GFOD2: variants seen among roughly 807,000 people sequenced by gnomAD.
GFOD2 encodes the protein glucose-fructose oxidoreductase domain-containing protein 2.
A neutral mutation model predicts 24.6 loss-of-function variants in GFOD2; 9 were observed. The ratio of observed to expected loss-of-function variants is 0.37; its 90% CI spans 0.22 to 0.64. GFOD2 has a LOEUF of 0.64. Ranked by LOEUF, GFOD2 falls within the 30% of genes least tolerant of loss-of-function variation. GFOD2 has a pLI of 0.65. For synonymous variants in GFOD2, 211 were observed against 224.8 expected (o/e 0.94, Z 0.55); for missense variants, 476 against 532.5 (o/e 0.89, Z 1.04).
Position 67,685,768 on chromosome 16 carries a change from TATGATCTTCCAA to T in GFOD2, c.-65_-54del. On this transcript the variant is annotated 5_prime_UTR_variant, in exon 2 of 3. Transcript: ENST00000268797. ...TCCTCACAAGAGCCTCTGGCATGGA[TATGATCTTCCAA>T]ACGTCCTGGTCAGACATGGCTCCTA... The T allele has an allele frequency of 6.4e-7, 1 of 1,567,396 alleles. No homozygotes were observed. Among genetic ancestry groups the T allele is most frequent in the Non-Finnish European group, 8.6e-7 (1 of 1,159,030 alleles).
rs148628246 is a variant in GFOD2, at chr16:67,688,274, T to C, written c.-87-2472A>G. On this transcript the variant is annotated intron_variant, in intron 1 of 2. Transcript: ENST00000268797. ...TATAAGGATATCTGTAATATATCTATAAAATATCTCTATTCAATGCTGTAG... is the reference window on the plus strand; with the variant it reads ...TATAAGGATATCTGTAATATATCTACAAAATATCTCTATTCAATGCTGTAG... Among the ~76,000 whole-genome samples the C allele has an allele frequency of 3.7e-3, 558 of 152,296 alleles. 6 individuals carry two copies. The highest frequency in any genetic ancestry group is 0.012 in the African/African-American group (516 of 41,556).
At chr16:67,695,225 G>A (rs2053349931) in intron 1 of GFOD2, among the ~76,000 whole-genome samples, 2 of 151,912 alleles carry the variant, frequency 1.3e-5, no homozygotes, top group Admixed American at 1.3e-4. Context: ...TCGAACTCCT[G>A]ACCTCAGGTG....
At chr16:67,680,844 G>A (rs988291362) in intron 2 of GFOD2, 8 of 984,860 alleles carry the variant, frequency 8.1e-6, no homozygotes, top group African/African-American at 1.7e-5. Flanking sequence ...TACATGTGCC[G>A]TGTTGGTGTG....
At chr16:67,687,212 G>A (rs1167284861) in intron 1 of GFOD2, among the ~76,000 whole-genome samples, 3 of 151,144 alleles carry the variant, frequency 2.0e-5, no homozygotes, top group Non-Finnish European at 4.4e-5. Flanking sequence ...AGAGGAAAGT[G>A]AAAGAACTAA....
intron 1 of GFOD2, among the ~76,000 whole-genome samples, chr16:67,699,396 G>A (rs934535895): frequency 1.3e-5 from 2 of 151,966 alleles, no homozygotes; most frequent in Non-Finnish European, 2.9e-5. Context: ...AATACACCAT[G>A]ACCAACAGGG....
Position 67,685,437 on chromosome 16 carries a change from C to T in GFOD2, c.259+20G>A, listed in dbSNP as rs2053258749. 4 of 1,614,076 alleles carry T rather than the reference C, an allele frequency of 2.5e-6. No individual in the cohort carries two copies. In the East Asian group the frequency reaches 8.9e-5, roughly 36 times the overall value. On this transcript the variant is annotated intron_variant, in intron 2 of 2. Transcript: ENST00000268797. ...GAGGGAGAGACATGATCTGCCCCTG[C>T]TGTGGCCTGCCGGGCGTACCTAGAG...
chr16:67,716,936 G>A (rs887640105), intron 1 of GFOD2, among the ~76,000 whole-genome samples: 2 of 152,160 alleles, frequency 1.3e-5, no homozygotes, highest in Admixed American at 6.6e-5. Context: ...TTTAGCTCTT[G>A]TCCAGGCTGG....
chr16:67,700,108 T>A (rs531686675), intron 1 of GFOD2, among the ~76,000 whole-genome samples: 1 of 151,296 alleles, frequency 6.6e-6, no homozygotes, highest in Non-Finnish European at 1.5e-5. Flanking sequence ...GCGCGGTGGC[T>A]CACGCCTATA....
chr16:67,677,949 T>G lies in GFOD2; in HGVS notation c.260-1896A>C, dbSNP rs1462573879. On this transcript the variant is annotated intron_variant, in intron 2 of 2. Transcript: ENST00000268797. Reference sequence around the variant, plus strand: ...CTTCTCCAGGTATGTGCATCTTCAGTAACCATGGTGCTCATCTTCCCTCAG... The same window carrying G: ...CTTCTCCAGGTATGTGCATCTTCAGGAACCATGGTGCTCATCTTCCCTCAG... 3.9e-5 allele frequency: 6 copies of G among 152,370 alleles called. No homozygotes were observed. In the East Asian group the frequency reaches 1.2e-3, roughly 29 times the overall value. 9.4% of individuals were successfully genotyped at this position (152,370 alleles called of 1,614,324 possible). A position where few individuals can be genotyped will look rare whatever the true frequency, so the allele number is the denominator to read the frequency against.
At chr16:67,702,045 A>C (rs1264211521) in intron 1 of GFOD2, among the ~76,000 whole-genome samples, 2 of 152,108 alleles carry the variant, frequency 1.3e-5, no homozygotes, top group Non-Finnish European at 2.9e-5. Context: ...CCAATCTGGT[A>C]ATTGTTTTTG....
intron 1 of GFOD2, among the ~76,000 whole-genome samples, chr16:67,690,498 C>T (rs770198865): frequency 1.3e-5 from 2 of 151,510 alleles, no homozygotes; most frequent in Non-Finnish European, 2.9e-5. Context: ...CTGCCTGCCT[C>T]GGCTGCCCAA....
Position 67,675,004 on chromosome 16 carries a change from G to T in GFOD2, c.*151C>A. 1.2e-6 allele frequency: 1 copy of T among 832,558 alleles called. No individual in the cohort carries two copies. The highest frequency in any genetic ancestry group is 1.9e-6 in the Non-Finnish European group (1 of 530,832). The allele number at this position is 832,558 out of a possible 1,614,324, so 51.6% of individuals were successfully genotyped here. A position where few individuals can be genotyped will look rare whatever the true frequency, so the allele number is the denominator to read the frequency against. On this transcript the variant is annotated 3_prime_UTR_variant, in exon 3 of 3. Coordinates refer to ENST00000268797, the MANE Select transcript of GFOD2 (RefSeq NM_030819.4). ...AAGTCTGAGGAGCAGATGAGCCACTGGAGGGGGCGAAGTCCCAGAGCCACC... is the reference window on the plus strand; with the variant it reads ...AAGTCTGAGGAGCAGATGAGCCACTTGAGGGGGCGAAGTCCCAGAGCCACC...
At chr16:67,691,525 A>C (rs2053314419) in intron 1 of GFOD2, among the ~76,000 whole-genome samples, 1 of 149,508 alleles carries the variant, frequency 6.7e-6, no homozygotes, top group South Asian at 2.1e-4. Context: ...CCCAAAAAAA[A>C]AAAAATTAAG....
intron 1 of GFOD2, among the ~76,000 whole-genome samples, chr16:67,696,633 C>T (rs973099390): frequency 6.6e-6 from 1 of 151,724 alleles, no homozygotes; most frequent in Non-Finnish European, 1.5e-5. Flanking sequence ...ACCACCACAC[C>T]CGGCTAATTT....
At chr16:67,676,074 G>A (rs2053183260) in intron 2 of GFOD2, 21 bp from the exon 3 acceptor site, 7 of 1,564,208 alleles carry the variant, frequency 4.5e-6, no homozygotes, top group Non-Finnish European at 5.2e-6. Flanking sequence ...GACACAACAG[G>A]AAATCTCAAA....
At position 67,675,017 on chromosome 16, in the gene GFOD2, TCCCA is replaced by T; in HGVS notation, c.*134_*137del. 1.0e-6 allele frequency: 1 copy of T among 980,946 alleles called. No individual in the cohort carries two copies. Among genetic ancestry groups the T allele is most frequent in the Non-Finnish European group, 1.5e-6 (1 of 661,606 alleles). The allele number at this position is 980,946 out of a possible 1,614,324, so 60.8% of individuals were successfully genotyped here. ...AGATGAGCCACTGGAGGGGGCGAAGTCCCAGAGCCACCTCTGGCTTCACCCAGAC... is the reference window on the plus strand; with the variant it reads ...AGATGAGCCACTGGAGGGGGCGAAGTGAGCCACCTCTGGCTTCACCCAGAC... On this transcript the variant is annotated 3_prime_UTR_variant, in exon 3 of 3. Transcript: ENST00000268797.
intron 1 of GFOD2, among the ~76,000 whole-genome samples, chr16:67,691,021 C>A (rs1203547940): frequency 6.6e-6 from 1 of 152,094 alleles, no homozygotes; most frequent in East Asian, 1.9e-4. Context: ...TGTCATCATG[C>A]CCAGCTAATT....
intron 1 of GFOD2, among the ~76,000 whole-genome samples, chr16:67,694,054 T>C (rs2053337960): frequency 6.6e-6 from 1 of 152,078 alleles, no homozygotes; most frequent in African/African-American, 2.4e-5. Flanking sequence ...TGGTGCAATC[T>C]TGGCTCACTG....
intron 1 of GFOD2, among the ~76,000 whole-genome samples, chr16:67,693,166 A>G (rs12927959): frequency 0.23 from 34,758 of 152,174 alleles, 4,886 homozygotes; most frequent in South Asian, 0.32. Flanking sequence ...ACACCATCAC[A>G]AGCTCCCTGA....
Sources: gnomAD v4.1 joint callset for allele counts (sites outside exome capture counted in the v4.1 genomes callset) on GRCh38, gnomAD v4.1.1 for gene constraint, MANE v1.5 for transcripts, NCBI Gene and HGNC (gene_info 2026-07-23, HGNC 2026-07-21) for gene names.